Variants in RUNX1 observed in about 807,000 individuals in gnomAD.
The protein encoded by RUNX1 is runt-related transcription factor 1.
In RUNX1, 19 loss-of-function variants were observed where a neutral mutation model predicts 42.8. That is an observed-to-expected ratio of 0.44 (90% CI 0.31 to 0.65). The LOEUF is 0.65. Ranked by LOEUF, RUNX1 falls within the 30% of genes least tolerant of loss-of-function variation. RUNX1 has a pLI of 0.07. For missense variants in RUNX1, 528 were observed against 672.0 expected, an observed-to-expected ratio of 0.79 and a Z score of 2.37; for synonymous variants, 271 against 289.4, an observed-to-expected ratio of 0.94 and a Z score of 0.64.
chr21:34,979,594 T>C (rs2834712), intron 2 of RUNX1, among the ~76,000 whole-genome samples: 65,262 of 152,004 alleles, frequency 0.43, 14,660 homozygotes, highest in East Asian at 0.56. Context: ...CTATATTAAT[T>C]ATTTTATGAC....
chr21:35,018,277 C>T (rs938041276), intron 2 of RUNX1, among the ~76,000 whole-genome samples: 5 of 152,152 alleles, frequency 3.3e-5, no homozygotes, highest in South Asian at 2.1e-4. Context: ...CTGCCTGTCT[C>T]GGCCTCCCAA....
chr21:34,917,863 G>C (rs1313640136), intron 2 of RUNX1, among the ~76,000 whole-genome samples: 2 of 152,076 alleles, frequency 1.3e-5, no homozygotes, highest in Admixed American at 1.3e-4. Context: ...GGGCGTAGTG[G>C]CTCATGCCTA....
rs2057541225 is a variant in RUNX1 at position 34,859,499 on chromosome 21, T to C, written c.588A>G (p.Thr196=). 2 of 1,613,896 alleles carry C rather than the reference T, an allele frequency of 1.2e-6. No homozygotes were observed. The highest frequency in any genetic ancestry group is 1.1e-5 in the South Asian group (1 of 91,084). ...VATYHRAIKI[T]VDGPREPRRH... Reference sequence around the variant, plus strand: ...TTCGAGGTTCTCGGGGCCCATCCACTGTGATTTTGATGGCTCTGTGGTAGG... The same window carrying C: ...TTCGAGGTTCTCGGGGCCCATCCACCGTGATTTTGATGGCTCTGTGGTAGG... The change falls in exon 6 of 9, where the codon ACA becomes ACG. Residue 196 remains threonine (T), a synonymous_variant. Transcript: ENST00000675419.
At chr21:34,957,609 C>T (rs899825307) in intron 2 of RUNX1, among the ~76,000 whole-genome samples, 1 of 152,178 alleles carries the variant, frequency 6.6e-6, no homozygotes, top group Admixed American at 6.5e-5. Context: ...CCGAGGATAA[C>T]AGGGTGATAG....
At chr21:35,032,841 T>A (rs1356016205) in intron 2 of RUNX1, among the ~76,000 whole-genome samples, 1 of 152,234 alleles carries the variant, frequency 6.6e-6, no homozygotes, top group African/African-American at 2.4e-5. Flanking sequence ...GTTACTTACT[T>A]CCTGCTGTGG....
At chr21:34,939,859 T>G (rs1369126505) in intron 2 of RUNX1, among the ~76,000 whole-genome samples, 1 of 152,052 alleles carries the variant, frequency 6.6e-6, no homozygotes, top group African/African-American at 2.4e-5. Flanking sequence ...TTTATTTTTA[T>G]TTTTTCTTCC....
chr21:35,043,485 T>C (rs1307537049), intron 2 of RUNX1, among the ~76,000 whole-genome samples: 2 of 152,270 alleles, frequency 1.3e-5, no homozygotes, highest in East Asian at 3.9e-4. Context: ...ATATCTTGCA[T>C]TTGTGAAATG....
At chr21:35,038,609 CTCTCTGTGTGTGTGTGTGTGTG>C (rs1440761677) in intron 2 of RUNX1, 1 of 283,880 alleles carries the variant, frequency 3.5e-6, no homozygotes, top group Non-Finnish European at 6.6e-6. Context: ...CTCTCTCTCT[CTCTCTGTGTGTGTGTGTGTGTG>C]TGTGTGTGTG....
chr21:34,928,963 G>GC (rs994592290), intron 2 of RUNX1, among the ~76,000 whole-genome samples: 4 of 45,060 alleles, frequency 8.9e-5, no homozygotes, highest in Admixed American at 1.8e-4. Context: ...ATTTTTTTTG[G>GC]GGGGGGGGGT....
At chr21:35,015,261 T>C (rs2059151519) in intron 2 of RUNX1, among the ~76,000 whole-genome samples, 1 of 152,182 alleles carries the variant, frequency 6.6e-6, no homozygotes, top group Non-Finnish European at 1.5e-5. Flanking sequence ...AGGGTTAAAC[T>C]TGGTAATATA....
At chr21:34,944,679 T>A (rs1009094379) in intron 2 of RUNX1, among the ~76,000 whole-genome samples, 1 of 152,298 alleles carries the variant, frequency 6.6e-6, no homozygotes, top group Middle Eastern at 3.4e-3. Flanking sequence ...GCAGTGTGAA[T>A]GGCAGAATTG....
intron 2 of RUNX1, among the ~76,000 whole-genome samples, chr21:34,944,117 T>C (rs2058547755): frequency 6.6e-6 from 1 of 152,190 alleles, no homozygotes; most frequent in Non-Finnish European, 1.5e-5. Context: ...CAAGTGATCC[T>C]CCTGCCTCAG....
At chr21:35,048,797 C>T in intron 2 of RUNX1, 45 bp downstream of exon 2, 1 of 1,538,504 alleles carries the variant, frequency 6.5e-7, no homozygotes, top group Non-Finnish European at 9.0e-7. Flanking sequence ...TCATTACAGG[C>T]AAAGCTGAGC....
intron 2 of RUNX1, among the ~76,000 whole-genome samples, chr21:34,964,911 C>A: frequency 6.6e-6 from 1 of 152,246 alleles, no homozygotes; most frequent in Non-Finnish European, 1.5e-5. Flanking sequence ...CACACTCACA[C>A]GCATGCACAC....
At chr21:35,028,275 C>A (rs541243267) in intron 2 of RUNX1, among the ~76,000 whole-genome samples, 4 of 152,176 alleles carry the variant, frequency 2.6e-5, no homozygotes, top group Non-Finnish European at 5.9e-5. Flanking sequence ...GTGCCGGGAA[C>A]CTGCATTTTA....
chr21:34,853,487 G>A (rs767185288), intron 6 of RUNX1, among the ~76,000 whole-genome samples: 34 of 152,290 alleles, frequency 2.2e-4, no homozygotes, highest in South Asian at 4.1e-4. Flanking sequence ...CCCTGGCATC[G>A]GTGCGTGCCA....
At chr21:34,931,386 T>C (rs911951541) in intron 2 of RUNX1, among the ~76,000 whole-genome samples, 4 of 146,552 alleles carry the variant, frequency 2.7e-5, no homozygotes, top group African/African-American at 5.0e-5. Context: ...AATATATACA[T>C]GTATATAATA....
At chr21:34,937,146 C>T (rs1160358750) in intron 2 of RUNX1, among the ~76,000 whole-genome samples, 1 of 152,064 alleles carries the variant, frequency 6.6e-6, no homozygotes, top group African/African-American at 2.4e-5. Flanking sequence ...TAAAGCCTCA[C>T]TGAATCAAAG....
At chr21:34,797,156 T>C (rs886704476) in intron 8 of RUNX1, among the ~76,000 whole-genome samples, 2 of 152,182 alleles carry the variant, frequency 1.3e-5, no homozygotes, top group African/African-American at 2.4e-5. Context: ...AAGAGCAGTC[T>C]CCCATACTGT....
Sources: allele counts gnomAD v4.1 joint callset (sites outside exome capture counted in the v4.1 genomes callset), GRCh38; gene constraint gnomAD v4.1.1; transcripts MANE v1.5; gene names NCBI Gene and HGNC (gene_info 2026-07-23, HGNC 2026-07-21).